Variants in CCDC14 observed in about 807,000 individuals in gnomAD.
CCDC14 encodes the protein coiled-coil domain containing 14, also known as coiled-coil domain-containing protein 14.
A neutral mutation model predicts 81.4 loss-of-function variants in CCDC14; 71 were observed. The observed-to-expected ratio is 0.87, with a 90% CI of 0.72 to 1.06. CCDC14 has a LOEUF of 1.06. Ranked by LOEUF, CCDC14 falls within the 50% of genes least tolerant of loss-of-function variation. The probability of loss-of-function intolerance (pLI) is 0.00; values close to 1 mark genes in which losing one functional copy is unlikely to be tolerated. For synonymous variants in CCDC14, 332 were observed against 364.8 expected, an observed-to-expected ratio of 0.91 and a Z score of 1.03; for missense variants, 1,046 against 1,047.3, an observed-to-expected ratio of 1.00 and a Z score of 0.02.
At chr3:123,941,117 C>T (rs374790353) in intron 9 of CCDC14, among the ~76,000 whole-genome samples, 1 of 151,918 alleles carries the variant, frequency 6.6e-6, no homozygotes, top group East Asian at 1.9e-4. Flanking sequence ...CTCTCTAGCT[C>T]AATGGCTCTT....
At chr3:123,919,007 C>T (rs1358450159) in intron 12 of CCDC14, among the ~76,000 whole-genome samples, 2 of 152,152 alleles carry the variant, frequency 1.3e-5, no homozygotes, top group Admixed American at 6.5e-5. Flanking sequence ...GGCAAGTATG[C>T]GGTGGCACCT....
chr3:123,920,653 T>C (rs1011364410), intron 12 of CCDC14, among the ~76,000 whole-genome samples: 2 of 151,906 alleles, frequency 1.3e-5, no homozygotes, highest in African/African-American at 4.8e-5. Context: ...GCTAAGGGAG[T>C]TCATCCTCAG....
At chr3:123,909,721 C>A (rs546692482), downstream of CCDC14, among the ~76,000 whole-genome samples, 1 of 152,230 alleles carries the variant, frequency 6.6e-6, no homozygotes, top group South Asian at 2.1e-4. Flanking sequence ...TTTATTTAAT[C>A]CTCAGAACAA....
chr3:123,916,299 G>A (rs912287752), intron 12 of CCDC14, among the ~76,000 whole-genome samples: 3 of 151,862 alleles, frequency 2.0e-5, no homozygotes, highest in Admixed American at 1.3e-4. Flanking sequence ...ATACCCAGCC[G>A]AGATGGTTTA....
chr3:123,955,656 T>C, intron 5 of CCDC14, 187 bp downstream of exon 5: 1 of 424,260 alleles, frequency 2.4e-6, no homozygotes. Context: ...TTTTTCTTCT[T>C]GAGAAAATGA....
At chr3:123,889,585 C>G in the CCDC14 span, among the ~76,000 whole-genome samples, 1 of 152,258 alleles carries the variant, frequency 6.6e-6, no homozygotes, top group African/African-American at 2.4e-5. Context: ...CCTTGGGCAG[C>G]TCCACCCCAG....
intron 8 of CCDC14, among the ~76,000 whole-genome samples, chr3:123,946,328 T>C (rs1301152045): frequency 1.1e-4 from 17 of 152,008 alleles, no homozygotes; most frequent in Non-Finnish European, 1.5e-5. Context: ...GTCCTAAAAA[T>C]ACACTGAAAA....
chr3:123,931,804 A>G (rs2035736955), intron 10 of CCDC14, among the ~76,000 whole-genome samples: 1 of 152,228 alleles, frequency 6.6e-6, no homozygotes, highest in African/African-American at 2.4e-5. Context: ...TAATACATGT[A>G]CAAAGTTAAA....
chr3:123,929,456 C>A (rs1011750530), intron 12 of CCDC14, among the ~76,000 whole-genome samples: 2 of 152,032 alleles, frequency 1.3e-5, no homozygotes, highest in African/African-American at 4.8e-5. Context: ...GCATGCACGA[C>A]CACGCACAGC....
chr3:123,934,137 G>C (rs1270161331), intron 9 of CCDC14, among the ~76,000 whole-genome samples: 3 of 152,024 alleles, frequency 2.0e-5, no homozygotes, highest in Non-Finnish European at 4.4e-5. Flanking sequence ...GCTGGGCGTA[G>C]TGGCGCGTGC....
intron 12 of CCDC14, among the ~76,000 whole-genome samples, chr3:123,926,611 T>G (rs998085141): frequency 1.3e-5 from 2 of 149,762 alleles, no homozygotes; most frequent in African/African-American, 4.9e-5. Context: ...ATTTAAAATA[T>G]TAATTTTCCT....
chr3:123,906,191 G>A (rs1244270346), intron 5 of CCDC14, among the ~76,000 whole-genome samples: 5 of 152,130 alleles, frequency 3.3e-5, no homozygotes, highest in South Asian at 2.1e-4. Flanking sequence ...TTAGCCAGGC[G>A]TGGTGGTGGG....
chr3:123,940,560 A>C (rs1204446162), intron 9 of CCDC14, among the ~76,000 whole-genome samples: 3 of 151,886 alleles, frequency 2.0e-5, no homozygotes, highest in African/African-American at 4.8e-5. Flanking sequence ...GACTTTTGTG[A>C]TGTCACTCTC....
At chr3:123,960,869 C>A (rs1182179260) in intron 1 of CCDC14, among the ~76,000 whole-genome samples, 12 of 152,086 alleles carry the variant, frequency 7.9e-5, no homozygotes, top group Admixed American at 7.9e-4. Context: ...TTAAGTCACT[C>A]GACGCAGCGG....
chr3:123,904,731 G>C (rs1447734698), intron 5 of CCDC14, among the ~76,000 whole-genome samples: 2 of 151,966 alleles, frequency 1.3e-5, no homozygotes, highest in East Asian at 3.8e-4. Context: ...TAAATGGAGT[G>C]TTATACAATA....
the CCDC14 span, among the ~76,000 whole-genome samples, chr3:123,886,821 A>AT: frequency 6.6e-6 from 1 of 152,094 alleles, no homozygotes; most frequent in Admixed American, 6.5e-5. Flanking sequence ...AGAATACTTC[A>AT]TTTTTTTATA....
In CCDC14 at chr3:123,934,398, G is replaced by A. The variant is rs75361698; in HGVS notation, c.1344-643C>T. 4.1e-3 allele frequency among the ~76,000 whole-genome samples: 587 copies of A among 144,748 alleles called. 6 individuals carry two copies. Among genetic ancestry groups the A allele is most frequent in the Middle Eastern group, 0.016 (4 of 258 alleles). 95.0% of individuals were successfully genotyped at this position (144,748 alleles called of 152,430 possible). A position where few individuals can be genotyped will look rare whatever the true frequency, so the allele number is the denominator to read the frequency against. ...CTATCTGCTCATGCTGTTTCTCATCGTCTTTCTGTGTATCTTCATCACTGT... is the reference window on the plus strand; with the variant it reads ...CTATCTGCTCATGCTGTTTCTCATCATCTTTCTGTGTATCTTCATCACTGT... On this transcript the variant is annotated intron_variant, in intron 9 of 12. Transcript: ENST00000409697.
At chr3:123,925,360 G>C (rs1027566350) in intron 12 of CCDC14, among the ~76,000 whole-genome samples, 1 of 152,150 alleles carries the variant, frequency 6.6e-6, no homozygotes. Context: ...TGGGAAATGG[G>C]GAGATGTTAG....
At chr3:123,921,490 C>A (rs1431946698) in intron 12 of CCDC14, among the ~76,000 whole-genome samples, 6 of 152,138 alleles carry the variant, frequency 3.9e-5, no homozygotes, top group Admixed American at 3.9e-4. Context: ...AATATATGCA[C>A]CCAACATTGG....
Sources: allele counts gnomAD v4.1 joint callset (sites outside exome capture counted in the v4.1 genomes callset), GRCh38; gene constraint gnomAD v4.1.1; transcripts MANE v1.5; gene names NCBI Gene and HGNC (gene_info 2026-07-23, HGNC 2026-07-21).